IGFL4: variants seen among roughly 807,000 people sequenced by gnomAD.
IGFL4 encodes insulin growth factor-like family member 4.
In IGFL4, 12 loss-of-function variants were observed where a neutral mutation model predicts 15.4. That is an observed-to-expected ratio of 0.78 (90% confidence interval 0.50 to 1.26). The LOEUF (loss-of-function observed/expected upper bound fraction) is 1.26, where lower values mean the gene tolerates loss of function less well. Ranked by LOEUF, IGFL4 falls within the 50% of genes most tolerant of loss-of-function variation. The pLI is 0.00. For synonymous variants in IGFL4, 54 were observed against 55.9 expected (o/e 0.97, Z 0.16); for missense variants, 126 against 147.8 (o/e 0.85, Z 0.76).
chr19:46,073,899 A>G (rs2146531504), intron 1 of IGFL4, among the ~76,000 whole-genome samples: 1 of 152,324 alleles, frequency 6.6e-6, no homozygotes, highest in South Asian at 2.1e-4. Context: ...AACACATAAA[A>G]TGATTTTGCT....
chr19:46,042,496 C>A (rs1243764830), upstream of IGFL4, among the ~76,000 whole-genome samples: 1 of 152,172 alleles, frequency 6.6e-6, no homozygotes, highest in Non-Finnish European at 1.5e-5. Flanking sequence ...GGAGGGAAAT[C>A]CCAAAGCTGA....
Position 46,040,635 on chromosome 19 carries a change from G to T in IGFL4, c.20-67C>A. On this transcript the variant is annotated intron_variant, in intron 1 of 3. Coordinates refer to ENST00000377697, the MANE Select transcript of IGFL4 (RefSeq NM_001002923.3). The surrounding 1 kb of genome is among the most constrained non-coding windows in gnomAD (Gnocchi z 4.1). Reference sequence around the variant, plus strand: ...AGGTCTTGACCACGGGGCACAGGATGATGTCTCTGAGCTTCTCTGGTTGCT... The same window carrying T: ...AGGTCTTGACCACGGGGCACAGGATTATGTCTCTGAGCTTCTCTGGTTGCT... 1 of 1,541,334 alleles carries T rather than the reference G, an allele frequency of 6.5e-7. No homozygotes were observed. Among genetic ancestry groups the T allele is most frequent in the South Asian group, 1.1e-5 (1 of 89,002 alleles).
chr19:46,052,106 G>C (rs530582909), intron 2 of IGFL4, among the ~76,000 whole-genome samples: 1 of 152,216 alleles, frequency 6.6e-6, no homozygotes, highest in East Asian at 1.9e-4. Flanking sequence ...AGAAACAATG[G>C]ACTTAAGCTA....
At chr19:46,077,506 G>A (rs1969621814), upstream of IGFL4, among the ~76,000 whole-genome samples, 1 of 152,220 alleles carries the variant, frequency 6.6e-6, no homozygotes, top group South Asian at 2.1e-4. The surrounding 1 kb of genome is among the most constrained non-coding windows in gnomAD (Gnocchi z 5.4). Flanking sequence ...CATTCAGGAA[G>A]TGGACCCAGC....
intron 1 of IGFL4, among the ~76,000 whole-genome samples, chr19:46,072,587 C>T (rs1969557048): frequency 6.6e-6 from 1 of 152,134 alleles, no homozygotes; most frequent in Non-Finnish European, 1.5e-5. Flanking sequence ...ATTAGAGGCA[C>T]AGAATGTGAA....
At chr19:46,076,194 C>T (rs1969594052) in intron 1 of IGFL4, among the ~76,000 whole-genome samples, 6 of 152,198 alleles carry the variant, frequency 3.9e-5, no homozygotes, top group Admixed American at 3.9e-4. Flanking sequence ...CCTTCGTGAC[C>T]TAATCATCTC....
Position 46,040,133 on chromosome 19 carries a change from C to A in IGFL4, c.330+24G>T. The A allele has an allele frequency of 6.2e-7, 1 of 1,611,828 alleles. No homozygotes were observed. The highest frequency in any genetic ancestry group is 8.5e-7 in the Non-Finnish European group (1 of 1,178,916). ...CATTCCCTACTCCCCCCTCCCACAG[C>A]CTGGACTGGAGTCAGATCCTTACCT... On this transcript the variant is annotated intron_variant, in intron 3 of 3. Transcript: ENST00000377697. This position sits in a 1 kb window ranked among gnomAD's most constrained non-coding sequence, Gnocchi z 4.1.
upstream of IGFL4, among the ~76,000 whole-genome samples, chr19:46,042,917 C>T (rs1969260277): frequency 6.6e-6 from 1 of 152,140 alleles, no homozygotes; most frequent in Admixed American, 6.6e-5. Context: ...CACAAGCCTC[C>T]CATGACCTCA....
chr19:46,075,283 A>T (rs916812203), intron 1 of IGFL4, among the ~76,000 whole-genome samples: 5 of 152,146 alleles, frequency 3.3e-5, no homozygotes, highest in African/African-American at 1.2e-4. Context: ...TTTTCACCAG[A>T]TGTTCTCTTT....
intron 2 of IGFL4, among the ~76,000 whole-genome samples, chr19:46,052,594 T>C (rs1969355276): frequency 6.6e-6 from 1 of 151,950 alleles, no homozygotes; most frequent in South Asian, 2.1e-4. Flanking sequence ...TGGTGGCATG[T>C]GCCTGTAATC....
In IGFL4 at chr19:46,063,335, GCACACACACA is replaced by G. The variant is rs5828265; in HGVS notation, c.-431-3052_-431-3043del. ...AAGAACATTTAGAACACACACGCAT[GCACACACACA>G]CACACACACACACACACACACATAC... On this transcript the variant is annotated intron_variant, in intron 1 of 5. Coordinates refer to the IGFL4 transcript ENST00000601672. Among the ~76,000 whole-genome samples, 559 of 147,184 alleles carry G rather than the reference GCACACACACA, an allele frequency of 3.8e-3. 23 individuals are homozygous for G. The East Asian group carries it at 0.075, about 20-fold the overall frequency.
upstream of IGFL4, among the ~76,000 whole-genome samples, chr19:46,043,387 A>G (rs773793002): frequency 7.6e-4 from 115 of 152,244 alleles, no homozygotes; most frequent in Non-Finnish European, 1.5e-3. Flanking sequence ...TTGTCTACAG[A>G]TTTAACACAA....
At chr19:46,072,815 G>C (rs1295462685) in intron 1 of IGFL4, among the ~76,000 whole-genome samples, 1 of 152,166 alleles carries the variant, frequency 6.6e-6, no homozygotes, top group Admixed American at 6.5e-5. Flanking sequence ...ACTTAGGGCA[G>C]AGAAAATGTT....
chr19:46,054,767 G>A lies in IGFL4; in HGVS notation c.-323+5418C>T, dbSNP rs79880075. 9.1e-4 allele frequency among the ~76,000 whole-genome samples: 139 copies of A among 152,202 alleles called. 4 individuals carry two copies. In the East Asian group the frequency reaches 0.023, roughly 25 times the overall value. On this transcript the variant is annotated intron_variant, in intron 2 of 5. Coordinates refer to the IGFL4 transcript ENST00000601672. ...AAAGTAAGAACCTGAGGGTTCCAAGGGAAGATGAATGTGAGGAAAACAGTG... is the reference window on the plus strand; with the variant it reads ...AAAGTAAGAACCTGAGGGTTCCAAGAGAAGATGAATGTGAGGAAAACAGTG...
At chr19:46,041,415 A>G (rs1437799592), upstream of IGFL4, among the ~76,000 whole-genome samples, 1 of 152,288 alleles carries the variant, frequency 6.6e-6, no homozygotes, top group South Asian at 2.1e-4. Flanking sequence ...GTCTCAGTTC[A>G]CCTGCAGACC....
upstream of IGFL4, among the ~76,000 whole-genome samples, chr19:46,043,234 TAGG>T (rs962161643): frequency 1.3e-5 from 2 of 152,228 alleles, no homozygotes; most frequent in Non-Finnish European, 2.9e-5. Flanking sequence ...ACTGTAAATC[TAGG>T]AGAACATGTA....
At chr19:46,053,184 T>TAA (rs1411447363) in intron 2 of IGFL4, among the ~76,000 whole-genome samples, 1 of 152,176 alleles carries the variant, frequency 6.6e-6, no homozygotes, top group Non-Finnish European at 1.5e-5. Context: ...GTATCTGTGT[T>TAA]ACTTCACTTG....
intron 1 of IGFL4, among the ~76,000 whole-genome samples, chr19:46,075,934 C>T (rs1262189651): frequency 6.6e-6 from 1 of 152,076 alleles, no homozygotes; most frequent in Non-Finnish European, 1.5e-5. Flanking sequence ...TATCTTAGTC[C>T]ATTCCTGCTG....
intron 2 of IGFL4, among the ~76,000 whole-genome samples, chr19:46,049,991 C>T (rs1005807882): frequency 6.6e-6 from 1 of 152,204 alleles, no homozygotes; most frequent in Non-Finnish European, 1.5e-5. Flanking sequence ...CATCATGGGA[C>T]TCTTCGCAGA....
Sources: allele counts gnomAD v4.1 joint callset (sites outside exome capture counted in the v4.1 genomes callset), GRCh38; gene constraint gnomAD v4.1.1; non-coding constraint Gnocchi (gnomAD v3.1); transcripts MANE v1.5; gene names NCBI Gene and HGNC (gene_info 2026-07-23, HGNC 2026-07-21).